CPNE8: variants seen among roughly 807,000 people sequenced by gnomAD.
CPNE8 encodes the protein copine-8.
Under a neutral mutation model 81.5 loss-of-function variants are expected in CPNE8, and 45 were observed. The ratio of observed to expected loss-of-function variants is 0.55; its 90% CI spans 0.44 to 0.71. The LOEUF (loss-of-function observed/expected upper bound fraction) is 0.71, where lower values mean the gene tolerates loss of function less well. Among genes scored for constraint, CPNE8 ranks in the 30% least tolerant of loss-of-function variants. The probability of loss-of-function intolerance (pLI) is 0.00; values close to 1 mark genes in which losing one functional copy is unlikely to be tolerated. For synonymous variants in CPNE8, 252 were observed against 226.3 expected (o/e 1.11, Z -1.02); for missense variants, 594 against 672.1 (o/e 0.88, Z 1.28).
intron 6 of CPNE8, among the ~76,000 whole-genome samples, chr12:38,784,195 T>C (rs1314928640): frequency 6.6e-6 from 1 of 152,134 alleles, no homozygotes; most frequent in Non-Finnish European, 1.5e-5. Flanking sequence ...CAAACAAAAA[T>C]TCTGGAGCTA....
At chr12:38,795,867 G>GGATACATAGATA (rs1555160627) in intron 6 of CPNE8, among the ~76,000 whole-genome samples, 14 of 148,134 alleles carry the variant, frequency 9.5e-5, no homozygotes, top group Non-Finnish European at 1.8e-4. Context: ...ATGGATGGAT[G>GGATACATAGATA]GATAGATAGA....
chr12:38,798,586 G>A (rs1942566593), intron 6 of CPNE8, among the ~76,000 whole-genome samples: 1 of 152,058 alleles, frequency 6.6e-6, no homozygotes, highest in African/African-American at 2.4e-5. Context: ...ACCAGCCACT[G>A]CAAAAACATG....
chr12:38,665,181 G>A (rs566509348), intron 19 of CPNE8, among the ~76,000 whole-genome samples: 1 of 152,012 alleles, frequency 6.6e-6, no homozygotes, highest in East Asian at 1.9e-4. Context: ...AACTTCTTAG[G>A]CCACTCTGTT....
At chr12:38,812,771 T>C (rs780895308) in intron 6 of CPNE8, among the ~76,000 whole-genome samples, 1 of 152,238 alleles carries the variant, frequency 6.6e-6, no homozygotes, top group Non-Finnish European at 1.5e-5. Context: ...TCTGCTCTTC[T>C]GCCATGTGAG....
At position 38,689,040 on chromosome 12, in the gene CPNE8, A is replaced by G. The variant is rs139042359; in HGVS notation, c.1144-3423T>C. Among the ~76,000 whole-genome samples the G allele has an allele frequency of 2.2e-3, 336 of 152,352 alleles. 2 individuals are homozygous for G. The highest frequency in any genetic ancestry group is 7.2e-3 in the African/African-American group (300 of 41,586). Reference sequence around the variant, plus strand: ...GAATCAGTTATTGCTTGTTAAAACAAATTAGAATAAGTCCAGTTGTGGTTC... The same window carrying G: ...GAATCAGTTATTGCTTGTTAAAACAGATTAGAATAAGTCCAGTTGTGGTTC... On this transcript the variant is annotated intron_variant, in intron 15 of 19. Transcript: ENST00000331366.
chr12:38,846,027 C>T (rs1943554567), intron 4 of CPNE8, among the ~76,000 whole-genome samples: 1 of 152,164 alleles, frequency 6.6e-6, no homozygotes, highest in Non-Finnish European at 1.5e-5. Context: ...ATTGCTTCAA[C>T]TTCAATTAGG....
intron 10 of CPNE8, among the ~76,000 whole-genome samples, chr12:38,755,061 G>C (rs192955729): frequency 1.6e-4 from 24 of 152,284 alleles, no homozygotes; most frequent in Non-Finnish European, 2.5e-4. Flanking sequence ...GGAATCACTT[G>C]GTCATGATAA....
intron 6 of CPNE8, among the ~76,000 whole-genome samples, chr12:38,823,980 G>T (rs1055746707): frequency 6.6e-6 from 1 of 152,152 alleles, no homozygotes; most frequent in African/African-American, 2.4e-5. Context: ...AAATGTTTCA[G>T]TCAAATTAAG....
chr12:38,694,838 T>A (rs1939758398), intron 14 of CPNE8, among the ~76,000 whole-genome samples: 2 of 152,144 alleles, frequency 1.3e-5, no homozygotes, highest in Non-Finnish European at 1.5e-5. Context: ...AAGAAAAGCC[T>A]CAGGACATAG....
intron 14 of CPNE8, among the ~76,000 whole-genome samples, chr12:38,696,467 T>A (rs148167886): frequency 1.3e-4 from 20 of 152,306 alleles, no homozygotes; most frequent in African/African-American, 4.6e-4. Context: ...AAGATGCTTT[T>A]AAACAATGAA....
chr12:38,721,783 C>A (rs554354882), intron 13 of CPNE8, among the ~76,000 whole-genome samples: 3 of 152,322 alleles, frequency 2.0e-5, no homozygotes, highest in African/African-American at 2.4e-5. Context: ...CATCTTCAAG[C>A]TTTCGGGTGC....
intron 10 of CPNE8, among the ~76,000 whole-genome samples, chr12:38,733,940 G>A (rs993754579): frequency 1.3e-5 from 2 of 151,838 alleles, no homozygotes; most frequent in African/African-American, 4.8e-5. Flanking sequence ...TACTTTTGGG[G>A]TATTACTCCC....
intron 13 of CPNE8, among the ~76,000 whole-genome samples, chr12:38,709,306 C>G (rs1044625547): frequency 6.6e-6 from 1 of 152,172 alleles, no homozygotes; most frequent in African/African-American, 2.4e-5. Flanking sequence ...GGTTCAACTA[C>G]CTGAATGACA....
chr12:38,806,022 T>A (rs373978530), intron 6 of CPNE8, among the ~76,000 whole-genome samples: 1 of 150,194 alleles, frequency 6.7e-6, no homozygotes, highest in Non-Finnish European at 1.5e-5. Flanking sequence ...ATAAATTCCT[T>A]GACACATACA....
intron 13 of CPNE8, among the ~76,000 whole-genome samples, chr12:38,720,024 C>A (rs937096675): frequency 6.6e-6 from 1 of 152,034 alleles, no homozygotes; most frequent in Admixed American, 6.6e-5. Flanking sequence ...GTCTTGCTGT[C>A]GCCCAGGCTG....
chr12:38,796,401 A>C (rs1942474362), intron 6 of CPNE8, among the ~76,000 whole-genome samples: 2 of 152,246 alleles, frequency 1.3e-5, no homozygotes, highest in Admixed American at 6.5e-5. Flanking sequence ...CAAGTCATAA[A>C]AGTAAAAATG....
At chr12:38,836,480 C>T (rs554641808) in intron 5 of CPNE8, among the ~76,000 whole-genome samples, 37 of 151,976 alleles carry the variant, frequency 2.4e-4, no homozygotes, top group African/African-American at 8.2e-4. Context: ...TCTTAAGTAC[C>T]GAACACCAAA....
Position 38,704,421 on chromosome 12 carries a change from G to A in CPNE8, c.915-1500C>T, listed in dbSNP as rs546646992. Among the ~76,000 whole-genome samples, 45 of 152,150 alleles carry A rather than the reference G, an allele frequency of 3.0e-4. No homozygotes were observed. In the South Asian group the frequency reaches 9.3e-3, roughly 32 times the overall value. ...GTATTTACAGATATAGATAAATACA[G>A]ATATATACTGATTGATAAAATATGT... On this transcript the variant is annotated intron_variant, in intron 13 of 19. Coordinates refer to ENST00000331366, the MANE Select transcript of CPNE8 (RefSeq NM_153634.3).
intron 16 of CPNE8, among the ~76,000 whole-genome samples, chr12:38,682,498 C>T (rs2136656271): frequency 6.6e-6 from 1 of 152,278 alleles, no homozygotes; most frequent in African/African-American, 2.4e-5. Flanking sequence ...GCAGAGGTTG[C>T]AGTGAGCCGA....
Sources: gnomAD v4.1 joint callset for allele counts (sites outside exome capture counted in the v4.1 genomes callset) on GRCh38, gnomAD v4.1.1 for gene constraint, MANE v1.5 for transcripts, NCBI Gene and HGNC (gene_info 2026-07-23, HGNC 2026-07-21) for gene names.